Variants in IDE observed in about 807,000 individuals in gnomAD.
The protein encoded by IDE is insulin-degrading enzyme.
Under a neutral mutation model 133.2 loss-of-function variants are expected in IDE, and 58 were observed. The observed-to-expected ratio is 0.44, with a 90% confidence interval of 0.35 to 0.54. IDE has a LOEUF of 0.54. Ranked by LOEUF, IDE falls within the 20% of genes least tolerant of loss-of-function variation. The pLI, the probability that IDE is intolerant of heterozygous loss-of-function variation, is 0.00. For synonymous variants in IDE, 396 were observed against 421.3 expected, an observed-to-expected ratio of 0.94 and a Z score of 0.73; for missense variants, 981 against 1,234.0, an observed-to-expected ratio of 0.79 and a Z score of 3.07.
At chr10:92,558,939 A>C (rs1194153717) in intron 1 of IDE, 1 of 152,044 alleles carries the variant, frequency 6.6e-6, no homozygotes, top group Non-Finnish European at 1.5e-5. Context: ...TAAAAAAAAA[A>C]AAAAACCCAA....
intron 11 of IDE, among the ~76,000 whole-genome samples, chr10:92,499,226 C>G (rs2135500880): frequency 6.6e-6 from 1 of 151,992 alleles, no homozygotes; most frequent in East Asian, 1.9e-4. Context: ...CTCTTTTGCC[C>G]AGGGTGGAGT....
intron 17 of IDE, among the ~76,000 whole-genome samples, chr10:92,473,527 G>A (rs773268927): frequency 5.3e-5 from 8 of 150,528 alleles, no homozygotes; most frequent in Non-Finnish European, 1.2e-4. Flanking sequence ...CTGAAAATTA[G>A]ACTTAAGATT....
intron 14 of IDE, among the ~76,000 whole-genome samples, chr10:92,481,420 T>C (rs1005805052): frequency 1.3e-5 from 2 of 152,112 alleles, no homozygotes; most frequent in African/African-American, 4.8e-5. Flanking sequence ...AGAGGAAGAC[T>C]CTGTCTCCTA....
chr10:92,497,146 A>G (rs367833788), intron 11 of IDE, among the ~76,000 whole-genome samples: 25 of 152,358 alleles, frequency 1.6e-4, no homozygotes, highest in African/African-American at 5.3e-4. Context: ...GGAATTATTT[A>G]TGACTAAAGG....
intron 2 of IDE, among the ~76,000 whole-genome samples, chr10:92,536,507 T>C (rs533056607): frequency 1.3e-5 from 2 of 148,790 alleles, no homozygotes; most frequent in South Asian, 4.2e-4. Context: ...AAGACCAGCC[T>C]GACCAACATG....
In IDE at chr10:92,493,376, C is replaced by A. The variant is rs912837696; in HGVS notation, c.1431-2781G>T. Among the ~76,000 whole-genome samples the A allele has an allele frequency of 4.6e-5, 7 of 151,662 alleles. No individual in the cohort carries two copies. The East Asian group carries it at 9.6e-4, about 21-fold the overall frequency. On this transcript the variant is annotated intron_variant, in intron 11 of 24. Transcript: ENST00000265986. ...CAGATGGTCTTCCCATCTACTCTTC[C>A]ATGAAACGCTTGATTTCTTTTTTTT...
chr10:92,530,786 T>C (rs2135667419), intron 4 of IDE, among the ~76,000 whole-genome samples: 1 of 152,318 alleles, frequency 6.6e-6, no homozygotes, highest in African/African-American at 2.4e-5. Flanking sequence ...CAAAGTATAA[T>C]TTTTGAAAAC....
chr10:92,474,121 TG>T (rs1846127112), intron 17 of IDE, among the ~76,000 whole-genome samples: 1 of 152,172 alleles, frequency 6.6e-6, no homozygotes, highest in Admixed American at 6.5e-5. Context: ...TGGAGCACAG[TG>T]GCGTAATCAT....
At chr10:92,523,145 C>T (rs981238762) in intron 4 of IDE, among the ~76,000 whole-genome samples, 3 of 152,062 alleles carry the variant, frequency 2.0e-5, no homozygotes, top group East Asian at 1.9e-4. Context: ...TAAATAGCAG[C>T]GGAGTCAGGC....
intron 1 of IDE, among the ~76,000 whole-genome samples, chr10:92,552,416 CTT>C (rs1347691124): frequency 6.6e-6 from 1 of 152,164 alleles, no homozygotes; most frequent in South Asian, 2.1e-4. Context: ...TCAATACAAA[CTT>C]ATATTTTTAT....
chr10:92,518,880 TG>T (rs1849065865), intron 4 of IDE, among the ~76,000 whole-genome samples: 1 of 152,036 alleles, frequency 6.6e-6, no homozygotes, highest in Admixed American at 6.5e-5. Context: ...AAGAAGATAG[TG>T]GTTATCTCTC....
At chr10:92,526,584 G>A (rs779981865) in intron 4 of IDE, among the ~76,000 whole-genome samples, 29 of 152,204 alleles carry the variant, frequency 1.9e-4, no homozygotes, top group Non-Finnish European at 2.9e-4. Context: ...GATGGTTCAT[G>A]CCTGTAACCC....
At chr10:92,541,332 T>C in intron 1 of IDE, 1 of 470,894 alleles carries the variant, frequency 2.1e-6, no homozygotes, top group Non-Finnish European at 4.4e-6. Context: ...CTGGGAACTC[T>C]TCCTCCTCTG....
chr10:92,500,225 A>G (rs1242259625), intron 11 of IDE, among the ~76,000 whole-genome samples: 1 of 151,766 alleles, frequency 6.6e-6, no homozygotes, highest in African/African-American at 2.4e-5. Context: ...TAAACTCGGG[A>G]GATGGAGGTT....
At chr10:92,527,077 T>A (rs1849664609) in intron 4 of IDE, among the ~76,000 whole-genome samples, 1 of 152,154 alleles carries the variant, frequency 6.6e-6, no homozygotes, top group African/African-American at 2.4e-5. Flanking sequence ...TGGGTTTTTC[T>A]GTGTGTTTAA....
intron 1 of IDE, among the ~76,000 whole-genome samples, chr10:92,564,254 A>C (rs1401286227): frequency 6.6e-6 from 1 of 152,194 alleles, no homozygotes; most frequent in East Asian, 1.9e-4. Flanking sequence ...CCAGGCAACC[A>C]TTCTGTAGCA....
intron 5 of IDE, among the ~76,000 whole-genome samples, chr10:92,510,535 G>A (rs1178187418): frequency 2.4e-4 from 36 of 151,800 alleles, no homozygotes; most frequent in Non-Finnish European, 3.4e-4. Flanking sequence ...GCCTTTAAAT[G>A]TATTTGCATT....
intron 1 of IDE, 114 bp downstream of exon 1, chr10:92,573,808 C>T (rs1486399442): frequency 6.9e-6 from 5 of 725,508 alleles, no homozygotes; most frequent in Non-Finnish European, 1.0e-5. Flanking sequence ...GCGGGACGGG[C>T]GGCGTGAGGG....
At chr10:92,572,612 C>T (rs1843837724) in intron 1 of IDE, among the ~76,000 whole-genome samples, 1 of 152,168 alleles carries the variant, frequency 6.6e-6, no homozygotes, top group African/African-American at 2.4e-5. Flanking sequence ...TAATGGCTCC[C>T]TACCTACTAC....
Sources: allele counts gnomAD v4.1 joint callset (sites outside exome capture counted in the v4.1 genomes callset), GRCh38; gene constraint gnomAD v4.1.1; transcripts MANE v1.5; gene names NCBI Gene and HGNC (gene_info 2026-07-23, HGNC 2026-07-21).